Variants in ATP8B1 observed in about 807,000 individuals in gnomAD.
The protein encoded by ATP8B1 is ATPase phospholipid transporting 8B1.
A neutral mutation model predicts 149.9 loss-of-function variants in ATP8B1; 80 were observed. The observed-to-expected ratio is 0.53, with a 90% confidence interval of 0.45 to 0.64. The LOEUF (loss-of-function observed/expected upper bound fraction) is 0.64, where lower values mean the gene tolerates loss of function less well. Among genes scored for constraint, ATP8B1 ranks in the 30% least tolerant of loss-of-function variants. The pLI is 0.00. For missense variants in ATP8B1, 1,247 were observed against 1,552.6 expected (o/e 0.80, Z 3.31); for synonymous variants, 536 against 562.8 (o/e 0.95, Z 0.67).
chr18:57,685,016 G>A (rs1335296970), intron 14 of ATP8B1, 56 bp downstream of exon 14: 49 of 1,594,788 alleles, frequency 3.1e-5, no homozygotes, highest in Admixed American at 2.3e-4. Flanking sequence ...GCATGGCCCT[G>A]CTGGGACCCT....
At chr18:57,716,429 A>G (rs541615138) in intron 2 of ATP8B1, among the ~76,000 whole-genome samples, 2 of 152,164 alleles carry the variant, frequency 1.3e-5, no homozygotes, top group South Asian at 2.1e-4. Context: ...AAAAAAAAAA[A>G]GACCCAGTGA....
intron 1 of ATP8B1, among the ~76,000 whole-genome samples, chr18:57,748,705 CTG>C (rs1197265647): frequency 3.3e-5 from 5 of 152,222 alleles, no homozygotes; most frequent in African/African-American, 1.2e-4. Context: ...AAAGGAAAAA[CTG>C]TGGTTACCTT....
chr18:57,727,704 G>T (rs960535893), intron 2 of ATP8B1, among the ~76,000 whole-genome samples: 1 of 152,078 alleles, frequency 6.6e-6, no homozygotes, highest in Non-Finnish European at 1.5e-5. Flanking sequence ...CAGGAGAATC[G>T]CTTGAACCCA....
chr18:57,706,268 A>G (rs1039377763), intron 3 of ATP8B1, among the ~76,000 whole-genome samples: 2 of 152,188 alleles, frequency 1.3e-5, no homozygotes, highest in Non-Finnish European at 2.9e-5. Context: ...AAAGAGAGAG[A>G]AAATTTCAAT....
intron 20 of ATP8B1, among the ~76,000 whole-genome samples, chr18:57,664,753 C>T (rs12969748): frequency 0.089 from 13,527 of 152,018 alleles, 850 homozygotes; most frequent in Non-Finnish European, 0.13. Flanking sequence ...AATATCTTGT[C>T]CAATCTCTTC....
intron 3 of ATP8B1, 57 bp from the exon 4 acceptor site, chr18:57,704,725 A>T: frequency 9.1e-7 from 1 of 1,093,466 alleles, no homozygotes; most frequent in Non-Finnish European, 1.4e-6. Context: ...CAATGTATAC[A>T]CATCTGCAAA....
Position 57,650,406 on chromosome 18 carries a change from T to A in ATP8B1, c.3492A>T (p.Arg1164=), listed in dbSNP as rs772704126. Residue 1164 remains arginine (R), a synonymous_variant, in exon 27 of 28, where the codon CGA becomes CGT. Transcript: ENST00000648908. ...AVCLLPVVAI[R]FLSMTIWPSE... ...ATGGCCAGATGGTCATTGACAGGAA[T>A]CGAATGGCAACGACGGGTAGTAAGC... 4 of 1,613,858 alleles carry A rather than the reference T, an allele frequency of 2.5e-6. No homozygotes were observed. The African/African-American group carries it at 5.3e-5, about 22-fold the overall frequency.
At chr18:57,747,514 C>A (rs1486466089) in intron 1 of ATP8B1, among the ~76,000 whole-genome samples, 1 of 151,610 alleles carries the variant, frequency 6.6e-6, no homozygotes, top group Non-Finnish European at 1.5e-5. Flanking sequence ...GATCTGTATC[C>A]AAAGCTGTGG....
chr18:57,718,913 T>G (rs2079610494), intron 2 of ATP8B1, among the ~76,000 whole-genome samples: 1 of 152,298 alleles, frequency 6.6e-6, no homozygotes, highest in Middle Eastern at 3.4e-3. Context: ...CCATAGCTAG[T>G]ATCAAACTGA....
At chr18:57,747,391 TGCAGTGA>T (rs1393666074) in intron 1 of ATP8B1, among the ~76,000 whole-genome samples, 3 of 150,994 alleles carry the variant, frequency 2.0e-5, no homozygotes, top group Non-Finnish European at 4.4e-5. Flanking sequence ...AGGTGGAGGT[TGCAGTGA>T]GCTGAGACCC....
intron 26 of ATP8B1, 74 bp from the exon 27 acceptor site, chr18:57,650,571 G>T (rs1333798342): frequency 6.4e-7 from 1 of 1,551,186 alleles, no homozygotes; most frequent in East Asian, 2.4e-5. Flanking sequence ...CGCCAGGTGT[G>T]GTGGCTCATG....
chr18:57,689,088 C>T (rs955099204), intron 12 of ATP8B1, among the ~76,000 whole-genome samples: 8 of 152,194 alleles, frequency 5.3e-5, no homozygotes, highest in African/African-American at 1.7e-4. Flanking sequence ...TTCCCACTCA[C>T]TCCTGGGCAC....
At chr18:57,726,153 A>C (rs2079705026) in intron 2 of ATP8B1, among the ~76,000 whole-genome samples, 1 of 152,146 alleles carries the variant, frequency 6.6e-6, no homozygotes, top group Non-Finnish European at 1.5e-5. Flanking sequence ...GCTTGAACTC[A>C]AGAAGTTGAG....
chr18:57,796,095 G>C (rs2080512378), intron 1 of ATP8B1, among the ~76,000 whole-genome samples: 1 of 152,160 alleles, frequency 6.6e-6, no homozygotes, highest in Admixed American at 6.5e-5. Flanking sequence ...TTGAACCCAG[G>C]AGGCAGAGGT....
Position 57,654,068 on chromosome 18 carries a change from T to C in ATP8B1, c.2939A>G (p.Tyr980Cys), listed in dbSNP as rs886054010. 7 of 1,613,624 alleles carry C rather than the reference T, an allele frequency of 4.3e-6. No homozygotes were observed. The highest frequency in any genetic ancestry group is 5.1e-6 in the Non-Finnish European group (6 of 1,179,738). ...FFNGYSAQTA[Y>C]EDWFITLYNV... ...GTAGAGGGTGATGAACCAATCCTCG[T>C]ATGCAGTCTGTGAGGGGATGACAGA... Residue 980 changes from tyrosine (Y) to cysteine (C), a missense_variant, in exon 24 of 28, where the codon TAC (tyrosine) becomes TGC (cysteine). By Grantham distance (194) the Tyr-to-Cys change is radical. Coordinates refer to ENST00000648908, the MANE Select transcript of ATP8B1 (RefSeq NM_001374385.1).
chr18:57,735,529 G>C (rs1377593696), intron 1 of ATP8B1: 1 of 152,540 alleles, frequency 6.6e-6, no homozygotes, highest in Non-Finnish European at 1.5e-5. Flanking sequence ...TCTTGGAAGT[G>C]GCCTGCCGCC....
Position 57,725,263 on chromosome 18 carries a change from A to AG in ATP8B1, c.181+6363_181+6364insC, listed in dbSNP as rs200599075. Among the ~76,000 whole-genome samples the AG allele has an allele frequency of 1.2e-3, 174 of 151,146 alleles. 1 individual carries two copies. In the East Asian group the frequency reaches 0.028, roughly 24 times the overall value. On this transcript the variant is annotated intron_variant, in intron 2 of 27. Coordinates refer to ENST00000648908, the MANE Select transcript of ATP8B1 (RefSeq NM_001374385.1). ...ACTTAAAGTATAATAAAAAAAAAAGAAAAAAAATAATCCCATTTATAATAG... is the reference window on the plus strand; with the variant it reads ...ACTTAAAGTATAATAAAAAAAAAAGAGAAAAAAATAATCCCATTTATAATAG...
At position 57,655,380 on chromosome 18, in the gene ATP8B1, TC is replaced by T. The variant is rs758440086; in HGVS notation, c.2744del (p.Gly915GlufsTer31). ...HIGVGISGQE[G>X]MQAVMSSDYS... ...AGTCACTCGACATGACAGCTTGCAT[TC>T]CTTCTTGTCCACTTATTCCAACGCC... On this transcript the variant is annotated frameshift_variant, in exon 23 of 28. Coordinates refer to ENST00000648908, the MANE Select transcript of ATP8B1 (RefSeq NM_001374385.1). LOFTEE classifies it high-confidence loss of function. 2 of 1,614,254 alleles carry T rather than the reference TC, an allele frequency of 1.2e-6. No homozygotes were observed. Among genetic ancestry groups the T allele is most frequent in the South Asian group, 2.2e-5 (2 of 91,092 alleles).
At chr18:57,798,163 G>T (rs1426902074) in intron 1 of ATP8B1, among the ~76,000 whole-genome samples, 1 of 152,112 alleles carries the variant, frequency 6.6e-6, no homozygotes, top group Non-Finnish European at 1.5e-5. Flanking sequence ...CGCCTACCCA[G>T]GATCCACAAC....
Sources: gnomAD v4.1 joint callset for allele counts (sites outside exome capture counted in the v4.1 genomes callset) on GRCh38, gnomAD v4.1.1 for gene constraint, MANE v1.5 for transcripts, NCBI Gene and HGNC (gene_info 2026-07-23, HGNC 2026-07-21) for gene names.